Variants in C1orf94 observed in about 807,000 individuals in gnomAD.
C1orf94 encodes the protein uncharacterized protein C1orf94.
A neutral mutation model predicts 53.6 loss-of-function variants in C1orf94; 45 were observed. That is an observed-to-expected ratio of 0.84 (90% CI 0.66 to 1.08). The LOEUF is 1.08. C1orf94 is among the 50% of genes least tolerant of loss of function. The pLI, the probability that C1orf94 is intolerant of heterozygous loss-of-function variation, is 0.00. For synonymous variants in C1orf94, 304 were observed against 296.1 expected (o/e 1.03, Z -0.27); for missense variants, 762 against 738.9 (o/e 1.03, Z -0.36).
At chr1:34,217,528 T>C (rs1643010008) in intron 6 of C1orf94, among the ~76,000 whole-genome samples, 1 of 152,120 alleles carries the variant, frequency 6.6e-6, no homozygotes, top group Non-Finnish European at 1.5e-5. Flanking sequence ...ACCGCTGGCA[T>C]GGATTGCTTA....
At chr1:34,215,813 C>T (rs185126563) in intron 6 of C1orf94, among the ~76,000 whole-genome samples, 1 of 152,172 alleles carries the variant, frequency 6.6e-6, no homozygotes, top group Admixed American at 6.5e-5. Context: ...CGAGACCAGC[C>T]TGGCCAAGAT....
intron 4 of C1orf94, among the ~76,000 whole-genome samples, chr1:34,206,525 A>C (rs1175275508): frequency 6.6e-6 from 1 of 152,238 alleles, no homozygotes; most frequent in African/African-American, 2.4e-5. Context: ...ACAATTGCAC[A>C]CAAACGATAT....
intron 1 of C1orf94, among the ~76,000 whole-genome samples, chr1:34,192,113 A>G (rs1642503245): frequency 6.6e-6 from 1 of 152,146 alleles, no homozygotes; most frequent in African/African-American, 2.4e-5. Context: ...GTTTTTCCCA[A>G]CCCCAAAGAG....
In C1orf94 at chr1:34,189,255, G is replaced by T. The variant is rs566672291; in HGVS notation, c.321-7970G>T. On this transcript the variant is annotated intron_variant, in intron 1 of 6. Transcript: ENST00000488417. ...GGCTGTGGTATGTGGGCATGGCTGT[G>T]GTACGTGTGTGCATGTGTGAATGTG... 2.6e-5 allele frequency among the ~76,000 whole-genome samples: 4 copies of T among 152,014 alleles called. No homozygotes were observed. The East Asian group carries it at 7.7e-4, about 29-fold the overall frequency.
chr1:34,215,765 G>A, intron 6 of C1orf94, among the ~76,000 whole-genome samples: 1 of 152,188 alleles, frequency 6.6e-6, no homozygotes, highest in East Asian at 1.9e-4. Context: ...CAGCACTTTC[G>A]GAGACCGAGG....
chr1:34,169,498 G>A (rs1642106172), intron 1 of C1orf94, among the ~76,000 whole-genome samples: 2 of 152,202 alleles, frequency 1.3e-5, no homozygotes, highest in South Asian at 4.1e-4. Flanking sequence ...AAGGCCTGAT[G>A]CTCTGGAGAA....
chr1:34,172,296 C>T (rs949713107), upstream of C1orf94, among the ~76,000 whole-genome samples: 1 of 152,206 alleles, frequency 6.6e-6, no homozygotes, highest in Non-Finnish European at 1.5e-5. Flanking sequence ...TTTTCCCTAA[C>T]TTTAAGTGGA....
intron 1 of C1orf94, among the ~76,000 whole-genome samples, chr1:34,195,241 T>C (rs1386079213): frequency 6.6e-6 from 1 of 152,156 alleles, no homozygotes; most frequent in East Asian, 1.9e-4. Flanking sequence ...TGACTGAATG[T>C]TTCCTGTGCA....
intron 5 of C1orf94, among the ~76,000 whole-genome samples, chr1:34,210,820 A>C (rs1040561818): frequency 6.6e-6 from 1 of 151,888 alleles, no homozygotes; most frequent in Non-Finnish European, 1.5e-5. Flanking sequence ...ACGCCTGACT[A>C]ATTGTTGTAT....
chr1:34,193,908 G>A (rs891467285), intron 1 of C1orf94, among the ~76,000 whole-genome samples: 4 of 152,228 alleles, frequency 2.6e-5, no homozygotes, highest in African/African-American at 9.6e-5. Context: ...ACCAATGCCA[G>A]CTTTCTAAGA....
intron 4 of C1orf94, among the ~76,000 whole-genome samples, chr1:34,207,690 C>A (rs770103907): frequency 6.6e-6 from 1 of 152,152 alleles, no homozygotes; most frequent in African/African-American, 2.4e-5. Flanking sequence ...CACGTAGAGA[C>A]GTGCATAGAC....
chr1:34,185,424 C>G (rs1642370875), intron 1 of C1orf94, among the ~76,000 whole-genome samples: 1 of 152,212 alleles, frequency 6.6e-6, no homozygotes, highest in African/African-American at 2.4e-5. Flanking sequence ...AGGTGATCCA[C>G]CTGGCTTGGC....
Position 34,217,316 on chromosome 1 carries a change from G to C in C1orf94, c.1722-1370G>C, listed in dbSNP as rs536613601. On this transcript the variant is annotated intron_variant, in intron 6 of 6. Coordinates refer to ENST00000488417, the MANE Select transcript of C1orf94 (RefSeq NM_001134734.2). Reference sequence around the variant, plus strand: ...CTGATCAGAAGTTCTCAACCTGGAGGACCTAGCTGCATGTGTGCCAATCAG... The same window carrying C: ...CTGATCAGAAGTTCTCAACCTGGAGCACCTAGCTGCATGTGTGCCAATCAG... Among the ~76,000 whole-genome samples the C allele has an allele frequency of 4.1e-4, 63 of 152,260 alleles. No individual in the cohort carries two copies. The South Asian group carries it at 0.012, about 30-fold the overall frequency.
At position 34,218,760 on chromosome 1, in the gene C1orf94, A is replaced by G; in HGVS notation, c.1796A>G (p.Ter599TrpextTer36). ...TCCAGTGGGAATGGCATAAACTTTTAGATCTCCTCTTCTCCCTTCTCCTCC... is the reference window on the plus strand; with the variant it reads ...TCCAGTGGGAATGGCATAAACTTTTGGATCTCCTCTTCTCCCTTCTCCTCC... ...FSSSGNGINF[*>W] The change falls in exon 7 of 7, where the codon TAG becomes TGG. Residue 599 changes from the stop codon to tryptophan (W), a stop_lost. Transcript: ENST00000488417. The G allele has an allele frequency of 6.2e-7, 1 of 1,611,668 alleles. No homozygotes were observed. Among genetic ancestry groups the G allele is most frequent in the Non-Finnish European group, 8.5e-7 (1 of 1,178,392 alleles).
chr1:34,216,100 G>T (rs1268684483), intron 6 of C1orf94, among the ~76,000 whole-genome samples: 1 of 152,204 alleles, frequency 6.6e-6, no homozygotes, highest in Admixed American at 6.6e-5. Context: ...CCAAGAGTCA[G>T]TCTTAGACAT....
At chr1:34,216,273 C>T (rs1252023652) in intron 6 of C1orf94, among the ~76,000 whole-genome samples, 1 of 151,958 alleles carries the variant, frequency 6.6e-6, no homozygotes, top group Non-Finnish European at 1.5e-5. Context: ...GATGAGATGG[C>T]CCAAAATACA....
intron 4 of C1orf94, among the ~76,000 whole-genome samples, chr1:34,207,365 T>C (rs966179276): frequency 6.6e-6 from 1 of 151,862 alleles, no homozygotes; most frequent in African/African-American, 2.4e-5. Context: ...AAATGTCAAT[T>C]TCCCATCTGG....
chr1:34,190,379 C>A (rs1642462366), intron 1 of C1orf94, among the ~76,000 whole-genome samples: 3 of 152,140 alleles, frequency 2.0e-5, no homozygotes, highest in Non-Finnish European at 4.4e-5. Context: ...GATTCTGACT[C>A]CTACTTTACC....
chr1:34,199,781 C>T (rs1208154764), intron 2 of C1orf94, among the ~76,000 whole-genome samples: 1 of 152,142 alleles, frequency 6.6e-6, no homozygotes, highest in East Asian at 1.9e-4. Context: ...CAATCTTGTC[C>T]CTGCTCCACA....
Sources: gnomAD v4.1 joint callset for allele counts (sites outside exome capture counted in the v4.1 genomes callset) on GRCh38, gnomAD v4.1.1 for gene constraint, MANE v1.5 for transcripts, NCBI Gene and HGNC (gene_info 2026-07-23, HGNC 2026-07-21) for gene names.